PTPN2: variants seen among roughly 807,000 people sequenced by gnomAD.
The protein encoded by PTPN2 is protein tyrosine phosphatase non-receptor type 2.
PTPN2 carries 19 observed loss-of-function variants against 57.3 expected under a neutral mutation model. The ratio of observed to expected loss-of-function variants is 0.33; its 90% CI spans 0.23 to 0.49. The LOEUF is 0.49. PTPN2 is among the 20% of genes least tolerant of loss of function. The pLI, the probability that PTPN2 is intolerant of heterozygous loss-of-function variation, is 0.99. For synonymous variants in PTPN2, 153 were observed against 164.9 expected (o/e 0.93, Z 0.55); for missense variants, 358 against 501.1 (o/e 0.71, Z 2.73).
intron 2 of PTPN2, among the ~76,000 whole-genome samples, chr18:12,847,889 G>A (rs1004454042): frequency 2.7e-5 from 4 of 147,444 alleles, no homozygotes; most frequent in African/African-American, 1.0e-4. Flanking sequence ...ATAAGCCACT[G>A]CACTAGGCCA....
At chr18:12,856,765 A>C (rs1167284062) in intron 2 of PTPN2, among the ~76,000 whole-genome samples, 1 of 152,190 alleles carries the variant, frequency 6.6e-6, no homozygotes, top group East Asian at 1.9e-4. Flanking sequence ...ATTCCAGTTA[A>C]AATAAAATTA....
At chr18:12,836,271 A>C (rs543924895) in intron 3 of PTPN2, among the ~76,000 whole-genome samples, 29 of 152,366 alleles carry the variant, frequency 1.9e-4, no homozygotes, top group Admixed American at 1.0e-3. Flanking sequence ...CTCAGAGGCA[A>C]CTGGGCAGAA....
chr18:12,835,382 C>CT (rs60239177), intron 3 of PTPN2, among the ~76,000 whole-genome samples: 13,713 of 99,040 alleles, frequency 0.14, 1,378 homozygotes, highest in Non-Finnish European at 0.18. Context: ...TCACATATGT[C>CT]TTTTTTTTTT....
chr18:12,876,218 C>T (rs1318421379), intron 1 of PTPN2, among the ~76,000 whole-genome samples: 1 of 151,224 alleles, frequency 6.6e-6, no homozygotes, highest in Non-Finnish European at 1.5e-5. Context: ...CTCGCCACTT[C>T]GGGAAGCCAA....
chr18:12,817,443 T>C, intron 5 of PTPN2, 78 bp from the exon 6 acceptor site: 1 of 1,120,924 alleles, frequency 8.9e-7, no homozygotes, highest in East Asian at 2.5e-5. Flanking sequence ...ATCATGTGTT[T>C]TATATAATTC....
chr18:12,791,513 C>T (rs963059027), downstream of PTPN2, among the ~76,000 whole-genome samples: 10 of 152,148 alleles, frequency 6.6e-5, no homozygotes, highest in East Asian at 1.5e-3. Flanking sequence ...AAGGCAGCCA[C>T]GTCTGTCTCT....
rs77509755 is a variant in PTPN2, at chr18:12,824,390, T to G, written c.495+1420A>C. On this transcript the variant is annotated intron_variant, in intron 5 of 8. Coordinates refer to ENST00000309660, the MANE Select transcript of PTPN2 (RefSeq NM_002828.4). ...TCAATGCAGCAAAAAACACAAGTGTTTCAAGGGATCCACCATAAAAGGGAC... is the reference window on the plus strand; with the variant it reads ...TCAATGCAGCAAAAAACACAAGTGTGTCAAGGGATCCACCATAAAAGGGAC... Among the ~76,000 whole-genome samples, 89 of 152,226 alleles carry G rather than the reference T, an allele frequency of 5.8e-4. No individual in the cohort carries two copies. The East Asian group carries it at 0.016, about 28-fold the overall frequency.
At position 12,817,216 on chromosome 18, in the gene PTPN2, G is replaced by T. The variant is rs1180798384; in HGVS notation, c.645C>A (p.His215Gln). ...LNPDHGPAVI[H>Q]CSAGIGRSGT... ...CAGAGCGCCCAATGCCTGCACTACA[G>T]TGGATCACCGCAGGCCCATGGTCAG... Residue 215 changes from histidine (H) to glutamine (Q), a missense_variant, in exon 6 of 9, where the codon CAC becomes CAA. Transcript: ENST00000309660. 6.2e-7 allele frequency: 1 copy of T among 1,614,202 alleles called. No homozygotes were observed.
chr18:12,850,901 G>A (rs1389188981), intron 2 of PTPN2, among the ~76,000 whole-genome samples: 2 of 152,018 alleles, frequency 1.3e-5, no homozygotes, highest in Non-Finnish European at 2.9e-5. Flanking sequence ...CACTATGCCT[G>A]GCTAATCTTT....
intron 8 of PTPN2, among the ~76,000 whole-genome samples, chr18:12,798,683 C>A (rs1236759696): frequency 3.9e-5 from 6 of 152,144 alleles, no homozygotes; most frequent in Non-Finnish European, 8.8e-5. Flanking sequence ...GATTCCATGT[C>A]TTTTCTATGG....
At chr18:12,883,023 T>G (rs965730035) in intron 1 of PTPN2, among the ~76,000 whole-genome samples, 2 of 152,168 alleles carry the variant, frequency 1.3e-5, no homozygotes, top group African/African-American at 4.8e-5. Context: ...CTAGTTGACA[T>G]AAAAAAAGCG....
Position 12,884,054 on chromosome 18 carries a change from G to C in PTPN2, c.69+19C>G, listed in dbSNP as rs1232498404. On this transcript the variant is annotated intron_variant, in intron 1 of 8. Transcript: ENST00000309660. The stretch of plus-strand genomic sequence containing the variant: ...GTCTCGGAGGAGGTCGGCGACTGCC[G>C]CGTGGGTCCGCGACTCACCAAGTAC... The C allele has an allele frequency of 1.3e-6, 2 of 1,560,374 alleles. No homozygotes were observed. Among genetic ancestry groups the C allele is most frequent in the Non-Finnish European group, 1.7e-6 (2 of 1,154,014 alleles).
At chr18:12,878,653 C>G (rs975901892) in intron 1 of PTPN2, among the ~76,000 whole-genome samples, 1 of 152,102 alleles carries the variant, frequency 6.6e-6, no homozygotes, top group African/African-American at 2.4e-5. Flanking sequence ...GCCTGGGGGA[C>G]AGAGCAAGAC....
At chr18:12,810,407 G>C (rs562483153) in intron 7 of PTPN2, among the ~76,000 whole-genome samples, 1 of 152,130 alleles carries the variant, frequency 6.6e-6, no homozygotes, top group South Asian at 2.1e-4. Flanking sequence ...CCCAGATATG[G>C]CTATTTTACT....
At chr18:12,787,013 TGCATCCA>T (rs937921995) in intron 9 of PTPN2, 43 of 152,346 alleles carry the variant, frequency 2.8e-4, no homozygotes, top group African/African-American at 1.0e-3. Flanking sequence ...ATGTTTTCCA[TGCATCCA>T]GAAGTCTTTT....
At chr18:12,805,538 A>C (rs1014119098) in intron 7 of PTPN2, among the ~76,000 whole-genome samples, 10 of 152,158 alleles carry the variant, frequency 6.6e-5, no homozygotes, top group African/African-American at 2.2e-4. Context: ...CCTCAACACA[A>C]AGCCACGTTA....
intron 1 of PTPN2, among the ~76,000 whole-genome samples, chr18:12,860,677 G>A (rs899903742): frequency 3.3e-5 from 5 of 152,126 alleles, no homozygotes; most frequent in Non-Finnish European, 5.9e-5. Context: ...CATGAGAATC[G>A]CTTAAACCCA....
chr18:12,869,613 T>C (rs1390120126), intron 1 of PTPN2, among the ~76,000 whole-genome samples: 1 of 152,250 alleles, frequency 6.6e-6, no homozygotes, highest in African/African-American at 2.4e-5. Flanking sequence ...CAGAAAACAT[T>C]ACATCGTTAG....
At chr18:12,797,501 T>C (rs1480485166) in intron 8 of PTPN2, among the ~76,000 whole-genome samples, 3 of 152,132 alleles carry the variant, frequency 2.0e-5, no homozygotes, top group Non-Finnish European at 4.4e-5. Context: ...TTTAAAAGAA[T>C]GGAACAGAGG....
Sources: allele counts gnomAD v4.1 joint callset (sites outside exome capture counted in the v4.1 genomes callset), GRCh38; gene constraint gnomAD v4.1.1; transcripts MANE v1.5; gene names NCBI Gene and HGNC (gene_info 2026-07-23, HGNC 2026-07-21).